Variants in SLC13A1 observed in about 807,000 individuals in gnomAD.
The protein encoded by SLC13A1 is solute carrier family 13 member 1, also known as Na(+)/sulfate cotransporter.
SLC13A1 carries 65 observed loss-of-function variants against 70.0 expected under a neutral mutation model. That is an observed-to-expected ratio of 0.93 (90% CI 0.76 to 1.14). SLC13A1 has a LOEUF of 1.14. Among genes scored for constraint, SLC13A1 ranks in the 50% most tolerant of loss-of-function variants. The pLI is 0.00. For synonymous variants in SLC13A1, 275 were observed against 250.5 expected (o/e 1.10, Z -0.92); for missense variants, 726 against 717.8 (o/e 1.01, Z -0.13).
intron 3 of SLC13A1, among the ~76,000 whole-genome samples, chr7:123,170,622 T>TTTTG (rs10694058): frequency 0.43 from 64,760 of 150,892 alleles, 14,011 homozygotes; most frequent in Non-Finnish European, 0.44. Context: ...TTTTGGTTTT[T>TTTTG]TTTGTTTGTT....
chr7:123,196,279 A>G (rs1796176779), intron 1 of SLC13A1, among the ~76,000 whole-genome samples: 1 of 152,136 alleles, frequency 6.6e-6, no homozygotes, highest in Non-Finnish European at 1.5e-5. Context: ...GACTGAGATT[A>G]CCATTATGTT....
chr7:123,141,590 T>C (rs1329911442), intron 7 of SLC13A1, among the ~76,000 whole-genome samples: 10 of 152,134 alleles, frequency 6.6e-5, no homozygotes, highest in Non-Finnish European at 1.5e-4. Context: ...GTATCTGCTT[T>C]ATATACCTGG....
At chr7:123,180,196 G>A (rs190570280) in intron 2 of SLC13A1, among the ~76,000 whole-genome samples, 38 of 152,212 alleles carry the variant, frequency 2.5e-4, no homozygotes, top group African/African-American at 8.7e-4. Flanking sequence ...AAATAAAGAA[G>A]GGAACCATTC....
intron 3 of SLC13A1, 66 bp downstream of exon 3, chr7:123,171,701 AT>A: frequency 6.7e-7 from 1 of 1,494,748 alleles, no homozygotes; most frequent in East Asian, 2.3e-5. Context: ...TACTTATTTG[AT>A]TATTTGCTCT....
intron 6 of SLC13A1, chr7:123,149,431 A>G (rs1794477203): frequency 2.2e-6 from 1 of 455,054 alleles, no homozygotes; most frequent in African/African-American, 2.0e-5. Flanking sequence ...TAGTTTCTTA[A>G]CGTCTATCTC....
At chr7:123,196,536 G>A (rs947512250) in intron 1 of SLC13A1, among the ~76,000 whole-genome samples, 1 of 151,836 alleles carries the variant, frequency 6.6e-6, no homozygotes, top group Non-Finnish European at 1.5e-5. Flanking sequence ...TTTCCAATTC[G>A]GACGCAAGTA....
chr7:123,187,956 C>T (rs1795864853), intron 1 of SLC13A1, among the ~76,000 whole-genome samples: 1 of 152,126 alleles, frequency 6.6e-6, no homozygotes, highest in African/African-American at 2.4e-5. Context: ...AGCATCAGAA[C>T]TTCAAACGGG....
chr7:123,175,069 G>A (rs1585381020), intron 2 of SLC13A1, among the ~76,000 whole-genome samples: 1 of 152,098 alleles, frequency 6.6e-6, no homozygotes, highest in East Asian at 1.9e-4. Flanking sequence ...AAGGCAAGAT[G>A]TATCTTATTG....
intron 1 of SLC13A1, among the ~76,000 whole-genome samples, chr7:123,192,439 G>A (rs1429069715): frequency 6.6e-6 from 1 of 152,070 alleles, no homozygotes; most frequent in Admixed American, 6.5e-5. Flanking sequence ...TTAAATTATA[G>A]CCCCACATGG....
At chr7:123,129,354 G>T in intron 9 of SLC13A1, 29 bp downstream of exon 9, 3 of 1,106,360 alleles carry the variant, frequency 2.7e-6, no homozygotes, top group East Asian at 2.4e-5. Flanking sequence ...GTGTGTGTGT[G>T]TGTGTGTGTG....
chr7:123,177,459 C>A (rs1455893967), intron 2 of SLC13A1, among the ~76,000 whole-genome samples: 2 of 152,036 alleles, frequency 1.3e-5, no homozygotes, highest in Non-Finnish European at 2.9e-5. Context: ...CTTTTGTGCT[C>A]AAAACTCTTC....
intron 6 of SLC13A1, among the ~76,000 whole-genome samples, chr7:123,155,825 C>T (rs186321271): frequency 2.2e-4 from 34 of 152,174 alleles, no homozygotes; most frequent in Admixed American, 1.6e-3. Flanking sequence ...AGACTTGGCT[C>T]CTGGACCAGT....
chr7:123,171,927 G>T, intron 2 of SLC13A1, 23 bp from the exon 3 acceptor site: 1 of 1,602,706 alleles, frequency 6.2e-7, no homozygotes, highest in South Asian at 1.1e-5. Context: ...TTAAACCCGT[G>T]ATTATTTACT....
At chr7:123,134,330 G>T in intron 8 of SLC13A1, 80 bp downstream of exon 8, 1 of 1,369,134 alleles carries the variant, frequency 7.3e-7, no homozygotes, top group Non-Finnish European at 1.0e-6. Flanking sequence ...TGGCATAGGG[G>T]AAAGAGCATC....
Position 123,172,955 on chromosome 7 carries a change from C to T in SLC13A1, c.229-1051G>A, listed in dbSNP as rs143108422. On this transcript the variant is annotated intron_variant, in intron 2 of 14. Transcript: ENST00000194130. ...ATATACTACATATTTTTCAGATTTA[C>T]TTAATTATTAAAAACTTATTTTTAT... Among the ~76,000 whole-genome samples the T allele has an allele frequency of 2.0e-3, 310 of 152,128 alleles. 3 individuals are homozygous for T. Among genetic ancestry groups the T allele is most frequent in the African/African-American group, 7.1e-3 (293 of 41,522 alleles).
At chr7:123,164,212 A>G (rs898103802) in intron 6 of SLC13A1, among the ~76,000 whole-genome samples, 3 of 151,974 alleles carry the variant, frequency 2.0e-5, no homozygotes, top group Admixed American at 6.6e-5. Flanking sequence ...TGTTAAATGT[A>G]TATTTCTTAA....
intron 3 of SLC13A1, among the ~76,000 whole-genome samples, chr7:123,170,912 A>G (rs901371602): frequency 2.0e-4 from 19 of 92,908 alleles, no homozygotes; most frequent in African/African-American, 9.4e-4. Flanking sequence ...GTGTTATACA[A>G]TTTTTAAGTA....
rs140315295 is a variant in SLC13A1, at chr7:123,175,723, T to C, written c.229-3819A>G. ...TTTATTTACCCAGCTTAATGTATTT[T>C]GTTGTAGTAATCTGAATGGGCTAAG... On this transcript the variant is annotated intron_variant, in intron 2 of 14. Coordinates refer to ENST00000194130, the MANE Select transcript of SLC13A1 (RefSeq NM_022444.4). Among the ~76,000 whole-genome samples the C allele has an allele frequency of 4.3e-4, 66 of 152,296 alleles. No homozygotes were observed. In the East Asian group the frequency reaches 0.012, roughly 28 times the overall value.
intron 8 of SLC13A1, among the ~76,000 whole-genome samples, chr7:123,130,782 G>A (rs1052625907): frequency 3.9e-5 from 6 of 152,068 alleles, no homozygotes; most frequent in Non-Finnish European, 7.4e-5. Flanking sequence ...TTACTCATAT[G>A]TCCTAATAGC....
Sources: gnomAD v4.1 joint callset for allele counts (sites outside exome capture counted in the v4.1 genomes callset) on GRCh38, gnomAD v4.1.1 for gene constraint, MANE v1.5 for transcripts, NCBI Gene and HGNC (gene_info 2026-07-23, HGNC 2026-07-21) for gene names.